Variants in ABI3BP observed in about 807,000 individuals in gnomAD.
The protein encoded by ABI3BP is ABI family member 3 binding protein, also known as target of Nesh-SH3.
A neutral mutation model predicts 268.6 loss-of-function variants in ABI3BP; 216 were observed. The observed-to-expected ratio is 0.80, with a 90% CI of 0.72 to 0.90. ABI3BP has a LOEUF of 0.90. Among genes scored for constraint, ABI3BP ranks in the 40% least tolerant of loss-of-function variants. ABI3BP has a pLI of 0.00. For missense variants in ABI3BP, 2,090 were observed against 2,182.4 expected (o/e 0.96, Z 0.84); for synonymous variants, 730 against 730.0 (o/e 1.00, Z 0.00).
chr3:100,807,701 C>T (rs2097752914), intron 50 of ABI3BP, among the ~76,000 whole-genome samples: 1 of 151,916 alleles, frequency 6.6e-6, no homozygotes, highest in South Asian at 2.1e-4. Context: ...TTTTCCTTTC[C>T]CCAGACTAGA....
intron 9 of ABI3BP, among the ~76,000 whole-genome samples, chr3:100,873,308 C>A (rs2099127802): frequency 6.6e-6 from 1 of 152,096 alleles, no homozygotes; most frequent in South Asian, 2.1e-4. Context: ...GACAAAACTT[C>A]TAAACATCTC....
chr3:100,758,405 A>G (rs1184450347), intron 63 of ABI3BP, among the ~76,000 whole-genome samples: 3 of 152,192 alleles, frequency 2.0e-5, no homozygotes, highest in African/African-American at 7.2e-5. Flanking sequence ...ATAAGTATTC[A>G]CTAGTATCAT....
chr3:100,807,282 CATTATT>C (rs1204974773), intron 50 of ABI3BP, among the ~76,000 whole-genome samples: 1 of 151,604 alleles, frequency 6.6e-6, no homozygotes, highest in Non-Finnish European at 1.5e-5. Context: ...TATTCCTATT[CATTATT>C]ATTCACTAAT....
At chr3:100,771,495 TAG>T (rs1377929944) in intron 61 of ABI3BP, among the ~76,000 whole-genome samples, 1 of 150,878 alleles carries the variant, frequency 6.6e-6, no homozygotes, top group Non-Finnish European at 1.5e-5. Flanking sequence ...AGATCTCACA[TAG>T]ATGTTAGAAT....
chr3:100,928,124 A>C (rs2062425512), intron 1 of ABI3BP, among the ~76,000 whole-genome samples: 1 of 151,972 alleles, frequency 6.6e-6, no homozygotes, highest in African/African-American at 2.4e-5. Flanking sequence ...GAAGTTATGT[A>C]ATATATAATC....
chr3:100,823,520 C>T lies in ABI3BP; in HGVS notation c.2747-6G>A. The T allele has an allele frequency of 6.6e-7, 1 of 1,524,896 alleles. No homozygotes were observed. Among genetic ancestry groups the T allele is most frequent in the Non-Finnish European group, 8.8e-7 (1 of 1,141,284 alleles). 94.5% of individuals were successfully genotyped at this position (1,524,896 alleles called of 1,614,324 possible). Reference sequence around the variant, plus strand: ...TTCTAGGACTGTAGCAGGAACTGACCAAAACAACATGTAAATCAAAGAGAT... The same window carrying T: ...TTCTAGGACTGTAGCAGGAACTGACTAAAACAACATGTAAATCAAAGAGAT... On this transcript the variant is annotated splice_polypyrimidine_tract_variant and splice_region_variant and intron_variant, in intron 36 of 67. Coordinates refer to ENST00000471714, the MANE Select transcript of ABI3BP (RefSeq NM_001375547.2).
intron 1 of ABI3BP, among the ~76,000 whole-genome samples, chr3:100,985,350 C>A (rs1576428040): frequency 6.6e-6 from 1 of 151,782 alleles, no homozygotes; most frequent in South Asian, 2.1e-4. Context: ...AGGGTTTCAC[C>A]ATGTTAGCCA....
intron 63 of ABI3BP, among the ~76,000 whole-genome samples, chr3:100,757,939 C>T (rs1211752374): frequency 6.6e-6 from 1 of 152,006 alleles, no homozygotes; most frequent in African/African-American, 2.4e-5. Flanking sequence ...AATTAAAGAA[C>T]TATAAGACCT....
At chr3:100,984,203 G>A (rs2090821400) in intron 1 of ABI3BP, among the ~76,000 whole-genome samples, 1 of 151,910 alleles carries the variant, frequency 6.6e-6, no homozygotes, top group Non-Finnish European at 1.5e-5. Flanking sequence ...GGGAGGCAGA[G>A]CATTACTGAT....
intron 1 of ABI3BP, among the ~76,000 whole-genome samples, chr3:100,943,684 C>A (rs1291529418): frequency 6.6e-6 from 1 of 152,092 alleles, no homozygotes; most frequent in Non-Finnish European, 1.5e-5. Context: ...AGGTCTCTTG[C>A]ACTTAAAATG....
intron 51 of ABI3BP, among the ~76,000 whole-genome samples, chr3:100,802,375 C>T (rs1395076768): frequency 6.6e-6 from 1 of 152,138 alleles, no homozygotes; most frequent in Non-Finnish European, 1.5e-5. Context: ...TAGAAAGGAA[C>T]TCATAAGGAA....
intron 14 of ABI3BP, among the ~76,000 whole-genome samples, chr3:100,854,850 T>G (rs2098922024): frequency 6.6e-6 from 1 of 152,192 alleles, no homozygotes; most frequent in South Asian, 2.1e-4. Flanking sequence ...ACTTTCAGAT[T>G]TTCCAGAGGA....
chr3:100,821,109 A>T lies in ABI3BP; in HGVS notation c.2892T>A (p.Pro964=), dbSNP rs768360997. The T allele has an allele frequency of 1.0e-4, 158 of 1,535,786 alleles. 1 individual carries two copies. Among genetic ancestry groups the T allele is most frequent in the Non-Finnish European group, 1.3e-4 (154 of 1,146,598 alleles). Residue 964 remains proline (P), a synonymous_variant, in exon 39 of 68, where the codon CCT becomes CCA. Coordinates refer to ENST00000471714, the MANE Select transcript of ABI3BP (RefSeq NM_001375547.2). ...GTGTAACAGGTTTGAGCTCCGCAGT[A>T]GGAACTGATCAAAAGCATTAAAATT... ...RPEAPESKPV[P]TAELKPVTLR...
intron 5 of ABI3BP, 101 bp from the exon 6 acceptor site, chr3:100,885,689 T>G: frequency 1.6e-6 from 1 of 637,810 alleles, no homozygotes; most frequent in Non-Finnish European, 2.7e-6. Flanking sequence ...TCCTCTAACT[T>G]GGATGTATAA....
At chr3:100,893,675 T>G (rs1582275146) in intron 4 of ABI3BP, among the ~76,000 whole-genome samples, 1 of 152,028 alleles carries the variant, frequency 6.6e-6, no homozygotes, top group South Asian at 2.1e-4. Context: ...GCCATAACTC[T>G]GAAAAGTTTG....
chr3:100,876,000 T>C (rs1436611916), intron 7 of ABI3BP, among the ~76,000 whole-genome samples: 1 of 152,242 alleles, frequency 6.6e-6, no homozygotes, highest in African/African-American at 2.4e-5. Flanking sequence ...TGGGATGTTG[T>C]GTTTTCTGAA....
intron 63 of ABI3BP, among the ~76,000 whole-genome samples, chr3:100,764,149 T>A (rs984918187): frequency 3.3e-5 from 5 of 152,242 alleles, no homozygotes; most frequent in Admixed American, 3.3e-4. Context: ...TCTAACACTC[T>A]CTTTGCCTAT....
At chr3:100,837,457 A>G (rs534272409) in intron 26 of ABI3BP, 244 of 283,212 alleles carry the variant, frequency 8.6e-4, no homozygotes, top group African/African-American at 5.1e-3. Flanking sequence ...GTTAACAGTT[A>G]CTGTTTAAAA....
chr3:100,829,630 A>G lies in ABI3BP; in HGVS notation c.2493T>C (p.His831=). Residue 831 remains histidine, a synonymous_variant, in exon 33 of 68, where the codon CAT becomes CAC. Coordinates refer to ENST00000471714, the MANE Select transcript of ABI3BP (RefSeq NM_001375547.2). The stretch of plus-strand genomic sequence containing the variant: ...GACTCAGTGTGGTTTTAGGTTTGGG[A>G]TGTGGACGATGAGTTCGTTGAGGCA... The part of the protein sequence containing the change: ...PKVPQRTHRP[H]PKPKTTLSPE... 1 of 1,535,722 alleles carries G rather than the reference A, an allele frequency of 6.5e-7. No homozygotes were observed. Among genetic ancestry groups the G allele is most frequent in the Non-Finnish European group, 8.7e-7 (1 of 1,146,506 alleles).
Sources: gnomAD v4.1 joint callset for allele counts (sites outside exome capture counted in the v4.1 genomes callset) on GRCh38, gnomAD v4.1.1 for gene constraint, MANE v1.5 for transcripts, NCBI Gene and HGNC (gene_info 2026-07-23, HGNC 2026-07-21) for gene names.